The following SENP5 variants were observed in gnomAD, a reference collection of about 807,000 sequenced individuals.
SENP5 encodes SUMO specific peptidase 5, also known as sentrin-specific protease 5.
In SENP5, 21 loss-of-function variants were observed where a neutral mutation model predicts 74.2. That is an observed-to-expected ratio of 0.28 (90% confidence interval 0.20 to 0.41). The LOEUF is 0.41. Ranked by LOEUF, SENP5 falls within the 10% of genes least tolerant of loss-of-function variation. The pLI, the probability that SENP5 is intolerant of heterozygous loss-of-function variation, is 1.00. For missense variants in SENP5, 717 were observed against 889.1 expected (o/e 0.81, Z 2.46); for synonymous variants, 311 against 312.7 (o/e 0.99, Z 0.06).
chr3:196,912,220 C>T (rs369752381), intron 6 of SENP5, among the ~76,000 whole-genome samples: 1 of 152,176 alleles, frequency 6.6e-6, no homozygotes, highest in East Asian at 1.9e-4. Flanking sequence ...GGTACATACG[C>T]ACCATGGAAT....
In SENP5 at chr3:196,899,564, T is replaced by C. The variant is rs954515767; in HGVS notation, c.1514-102T>C. 8 of 688,794 alleles carry C rather than the reference T, an allele frequency of 1.2e-5. No individual in the cohort carries two copies. The East Asian group carries it at 2.0e-4, about 17-fold the overall frequency. The allele number at this position is 688,794 out of a possible 1,614,324, so 42.7% of individuals were successfully genotyped here. A position where few individuals can be genotyped will look rare whatever the true frequency, so the allele number is the denominator to read the frequency against. ...TTATATAGTAATATAGGTTAACCAC[T>C]GTATGTGTTAAGTGCTGTGTATAGG... On this transcript the variant is annotated intron_variant, in intron 2 of 9. Coordinates refer to ENST00000323460, the MANE Select transcript of SENP5 (RefSeq NM_152699.5).
At chr3:196,927,670 T>C in intron 7 of SENP5, 126 bp from the exon 8 acceptor site, 1 of 547,858 alleles carries the variant, frequency 1.8e-6, no homozygotes, top group Non-Finnish European at 3.3e-6. Context: ...TTCCAGCTTC[T>C]TAATGCATAT....
At position 196,932,093 on chromosome 3, in the gene SENP5, T is replaced by G. The variant is rs1716057837; in HGVS notation, c.*1170T>G. 1.2e-5 allele frequency: 3 copies of G among 249,316 alleles called. No homozygotes were observed. The highest frequency in any genetic ancestry group is 2.3e-5 in the African/African-American group (1 of 42,624). 15.4% of individuals were successfully genotyped at this position (249,316 alleles called of 1,614,324 possible). A position where few individuals can be genotyped will look rare whatever the true frequency, so the allele number is the denominator to read the frequency against. On this transcript the variant is annotated 3_prime_UTR_variant, in exon 10 of 10. Coordinates refer to ENST00000323460, the MANE Select transcript of SENP5 (RefSeq NM_152699.5). Reference sequence around the variant, plus strand: ...GTTCTTCTCCTTCTGTTGAACCTCATCTTCTGAAGAAAGGCCAAGTGGCCC... The same window carrying G: ...GTTCTTCTCCTTCTGTTGAACCTCAGCTTCTGAAGAAAGGCCAAGTGGCCC...
At chr3:196,893,006 G>C (rs1321826328) in intron 2 of SENP5, among the ~76,000 whole-genome samples, 1 of 152,190 alleles carries the variant, frequency 6.6e-6, no homozygotes, top group African/African-American at 2.4e-5. Flanking sequence ...AGTATGGGGT[G>C]CAGGTACCTC....
Position 196,885,917 on chromosome 3 carries a change from C to T in SENP5, c.736C>T (p.Leu246Phe), listed in dbSNP as rs61761866. 21 of 1,613,836 alleles carry T rather than the reference C, an allele frequency of 1.3e-5. No homozygotes were observed. Among genetic ancestry groups the T allele is most frequent in the Non-Finnish European group, 1.8e-5 (21 of 1,180,028 alleles). Reference sequence around the variant, plus strand: ...CATGATTAGATTTCGGTACAGGATTCTCAGATCCCAGCACTTCAGAACCAA... The same window carrying T: ...CATGATTAGATTTCGGTACAGGATTTTCAGATCCCAGCACTTCAGAACCAA... ...LSMIRFRYRI[L>F]RSQHFRTKSK... The change falls in exon 2 of 10, where the codon CTC becomes TTC. Residue 246 changes from leucine (L) to phenylalanine (F), a missense_variant. Coordinates refer to ENST00000323460, the MANE Select transcript of SENP5 (RefSeq NM_152699.5).
rs1156692701 is a variant in SENP5, at chr3:196,927,875, C to T, written c.2102C>T (p.Thr701Met). 11 of 1,601,790 alleles carry T rather than the reference C, an allele frequency of 6.9e-6. No homozygotes were observed. The highest frequency in any genetic ancestry group is 1.3e-5 in the African/African-American group (1 of 74,598). Reference protein sequence around the residue: ...EFLQGWQTAVTKCIPQQKNDS... With the variant: ...EFLQGWQTAVMKCIPQQKNDS... ...CTTCAGGGTTGGCAGACTGCTGTTA[C>T]GAAGGTAAGTATGTGATAACAATGA... is the stretch of plus-strand genomic sequence containing the variant. Residue 701 changes from threonine (T) to methionine (M), a missense_variant, in exon 8 of 10, where the codon ACG (threonine) becomes ATG (methionine). Coordinates refer to ENST00000323460, the MANE Select transcript of SENP5 (RefSeq NM_152699.5).
chr3:196,905,819 G>T (rs2108842499), intron 6 of SENP5, among the ~76,000 whole-genome samples: 1 of 152,212 alleles, frequency 6.6e-6, no homozygotes, highest in Admixed American at 6.5e-5. Flanking sequence ...TCTCTCCCTG[G>T]TGGTTGGGGG....
chr3:196,878,051 A>G (rs1312838601), intron 1 of SENP5, among the ~76,000 whole-genome samples: 1 of 152,208 alleles, frequency 6.6e-6, no homozygotes, highest in Non-Finnish European at 1.5e-5. Context: ...TCTAGATAAC[A>G]AAGAACAGGA....
chr3:196,912,827 TCACA>T (rs1288433010), intron 6 of SENP5: 1 of 151,736 alleles, frequency 6.6e-6, no homozygotes, highest in East Asian at 1.9e-4. Context: ...TGAGCAGTGG[TCACA>T]CCACTGTACC....
intron 6 of SENP5, chr3:196,904,816 T>A (rs1714836276): frequency 6.6e-6 from 1 of 151,986 alleles, no homozygotes; most frequent in Non-Finnish European, 1.5e-5. Flanking sequence ...AAAATAAAAA[T>A]GAAGACATTA....
Position 196,886,704 on chromosome 3 carries a change from T to C in SENP5, c.1513+10T>C. ...TCAGTCTGTCTTTCTGGTATGCACT[T>C]TTCCTTTATTCTCCCTCAAACTCCA... On this transcript the variant is annotated intron_variant, in intron 2 of 9. Coordinates refer to ENST00000323460, the MANE Select transcript of SENP5 (RefSeq NM_152699.5). 6.6e-7 allele frequency: 1 copy of C among 1,519,630 alleles called. No individual in the cohort carries two copies. The highest frequency in any genetic ancestry group is 8.8e-7 in the Non-Finnish European group (1 of 1,136,312). 94.1% of individuals were successfully genotyped at this position (1,519,630 alleles called of 1,614,324 possible). A position where few individuals can be genotyped will look rare whatever the true frequency, so the allele number is the denominator to read the frequency against.
chr3:196,923,571 A>G lies in SENP5; in HGVS notation c.2022+20A>G, dbSNP rs145873243. 345 of 1,540,400 alleles carry G rather than the reference A, an allele frequency of 2.2e-4. 1 individual carries two copies. In the East Asian group the frequency reaches 6.9e-3, roughly 31 times the overall value. On this transcript the variant is annotated intron_variant, in intron 7 of 9. Transcript: ENST00000323460. ...GTAGAGGTAAGTTAATATACTGCCT[A>G]TTTTTTCATTTATTTTGTAATTGGC...
chr3:196,932,460 T>G lies in SENP5; in HGVS notation c.*1537T>G, dbSNP rs1716070178. Reference sequence around the variant, plus strand: ...TTACATGCAGGGTTCCCAACACCAGTGGTGACACTGGGAAGCAGCCCCAGC... The same window carrying G: ...TTACATGCAGGGTTCCCAACACCAGGGGTGACACTGGGAAGCAGCCCCAGC... On this transcript the variant is annotated 3_prime_UTR_variant, in exon 10 of 10. Coordinates refer to ENST00000323460, the MANE Select transcript of SENP5 (RefSeq NM_152699.5). The G allele has an allele frequency of 6.6e-6, 1 of 152,292 alleles. No individual in the cohort carries two copies. The highest frequency in any genetic ancestry group is 1.5e-5 in the Non-Finnish European group (1 of 68,164). The allele number at this position is 152,292 out of a possible 1,614,324, so 9.4% of individuals were successfully genotyped here.
chr3:196,886,748 A>G lies in SENP5; in HGVS notation c.1513+54A>G, dbSNP rs1384456103. The stretch of plus-strand genomic sequence containing the variant: ...AACTCCAAGCTCACATTTGCTGTGC[A>G]TTATCCTTGCTAATAAGAGTCCTAT... On this transcript the variant is annotated intron_variant, in intron 2 of 9. Coordinates refer to ENST00000323460, the MANE Select transcript of SENP5 (RefSeq NM_152699.5). The G allele has an allele frequency of 5.0e-6, 7 of 1,401,292 alleles. No homozygotes were observed. The African/African-American group carries it at 7.2e-5, about 14-fold the overall frequency. 86.8% of individuals were successfully genotyped at this position (1,401,292 alleles called of 1,614,324 possible).
At chr3:196,918,158 T>G (rs1382851345) in intron 6 of SENP5, among the ~76,000 whole-genome samples, 1 of 148,350 alleles carries the variant, frequency 6.7e-6, no homozygotes, top group African/African-American at 2.6e-5. Context: ...TACAAAAAAA[T>G]TAGCCGGGCG....
intron 6 of SENP5, among the ~76,000 whole-genome samples, chr3:196,909,280 A>C (rs1417865291): frequency 6.6e-6 from 1 of 152,228 alleles, no homozygotes; most frequent in Non-Finnish European, 1.5e-5. Context: ...ATAGCCTACC[A>C]ACCACAAAAA....
At chr3:196,877,858 C>T (rs2108808583) in intron 1 of SENP5, among the ~76,000 whole-genome samples, 1 of 152,252 alleles carries the variant, frequency 6.6e-6, no homozygotes, top group African/African-American at 2.4e-5. Context: ...ACATTTTTCT[C>T]CAAACATTCA....
At chr3:196,929,987 TA>T (rs76093991) in intron 9 of SENP5, among the ~76,000 whole-genome samples, 22,826 of 136,320 alleles carry the variant, frequency 0.17, 2,077 homozygotes, top group South Asian at 0.3. Flanking sequence ...GGCATTTGCA[TA>T]AAAAAAAAAA....
intron 2 of SENP5, among the ~76,000 whole-genome samples, chr3:196,887,916 C>T (rs1326617038): frequency 2.0e-5 from 3 of 152,046 alleles, no homozygotes; most frequent in South Asian, 2.1e-4. Context: ...TACAGGCACA[C>T]GCTACCATGC....
Sources: allele counts gnomAD v4.1 joint callset (sites outside exome capture counted in the v4.1 genomes callset), GRCh38; gene constraint gnomAD v4.1.1; transcripts MANE v1.5; gene names NCBI Gene and HGNC (gene_info 2026-07-23, HGNC 2026-07-21).